EML1: variants seen among roughly 807,000 people sequenced by gnomAD.
EML1 encodes EMAP like 1.
Under a neutral mutation model 110.4 loss-of-function variants are expected in EML1, and 27 were observed. The ratio of observed to expected loss-of-function variants is 0.24; its 90% CI spans 0.18 to 0.34. The LOEUF (loss-of-function observed/expected upper bound fraction) is 0.34. Among genes scored for constraint, EML1 ranks in the 10% least tolerant of loss-of-function variants. The probability of loss-of-function intolerance (pLI) is 1.00; values close to 1 mark genes in which losing one functional copy is unlikely to be tolerated. For missense variants in EML1, 741 were observed against 1,030.9 expected (o/e 0.72, Z 3.85); for synonymous variants, 344 against 385.8 (o/e 0.89, Z 1.27).
chr14:99,874,291 C>T (rs2059252889), intron 3 of EML1, among the ~76,000 whole-genome samples: 2 of 152,228 alleles, frequency 1.3e-5, no homozygotes, highest in East Asian at 1.9e-4. Flanking sequence ...TACAAGGTTG[C>T]AGGTTTGGGT....
intron 1 of EML1, among the ~76,000 whole-genome samples, chr14:99,834,377 A>G (rs978529300): frequency 2.6e-5 from 4 of 151,214 alleles, no homozygotes; most frequent in Non-Finnish European, 4.4e-5. Flanking sequence ...GTCTCGGCTC[A>G]CTGCAAGCTC....
intron 1 of EML1, among the ~76,000 whole-genome samples, chr14:99,836,454 C>T (rs2139789833): frequency 6.6e-6 from 1 of 152,264 alleles, no homozygotes; most frequent in East Asian, 1.9e-4. Context: ...ATATCATCTG[C>T]AAATAGACAG....
intron 4 of EML1, among the ~76,000 whole-genome samples, chr14:99,889,529 G>C (rs2059549897): frequency 6.6e-6 from 1 of 152,220 alleles, no homozygotes; most frequent in South Asian, 2.1e-4. Flanking sequence ...TAAAGCAGGA[G>C]GGGCGGGGGC....
intron 3 of EML1, among the ~76,000 whole-genome samples, chr14:99,868,509 A>T (rs2059140155): frequency 6.6e-6 from 1 of 151,900 alleles, no homozygotes; most frequent in Non-Finnish European, 1.5e-5. Flanking sequence ...AGGTCTGTTC[A>T]TATTTTTTGC....
chr14:99,853,646 C>T (rs1238975754), intron 2 of EML1, among the ~76,000 whole-genome samples: 1 of 152,168 alleles, frequency 6.6e-6, no homozygotes, highest in Non-Finnish European at 1.5e-5. Context: ...CTCATATAGA[C>T]TTGAAGTAGC....
intron 1 of EML1, among the ~76,000 whole-genome samples, chr14:99,808,905 A>G (rs1488569897): frequency 6.6e-6 from 1 of 152,256 alleles, no homozygotes; most frequent in Non-Finnish European, 1.5e-5. Context: ...TAAGGTAAGT[A>G]AAATACTACT....
rs765931165 is a variant in EML1 at position 99,897,241 on chromosome 14, C to A, written c.774C>A (p.Asn258Lys). Residue 258 changes from asparagine to lysine, a missense_variant, in exon 7 of 22, where the codon AAC (asparagine) becomes AAA (lysine). By Grantham distance (94) the Asn-to-Lys change is moderately conservative. Around this residue, in one of 4 missense-constraint regions of EML1, gnomAD observed 388 missense variants for 605.6 expected, o/e 0.64. Transcript: ENST00000262233. ...TCGCATCCGTGGTGGTGTTATACAA[C>A]GTGGAGGAGCAACTGCAGAGGCATT... The part of the protein sequence containing the change: ...YFIASVVVLY[N>K]VEEQLQRHYA... 6.2e-7 allele frequency: 1 copy of A among 1,612,854 alleles called. No homozygotes were observed. The highest frequency in any genetic ancestry group is 1.1e-5 in the South Asian group (1 of 90,856).
chr14:99,786,450 A>G (rs2057601195), intron 1 of EML1, among the ~76,000 whole-genome samples: 1 of 152,222 alleles, frequency 6.6e-6, no homozygotes, highest in Non-Finnish European at 1.5e-5. Context: ...CATGATGGGC[A>G]TTAGGGGTAT....
At chr14:99,871,540 A>G (rs960771508) in intron 3 of EML1, among the ~76,000 whole-genome samples, 5 of 151,960 alleles carry the variant, frequency 3.3e-5, no homozygotes, top group Non-Finnish European at 5.9e-5. Context: ...AAGAACATTT[A>G]TGATTCATGG....
At chr14:99,788,339 T>C (rs916833669) in intron 1 of EML1, among the ~76,000 whole-genome samples, 1 of 152,234 alleles carries the variant, frequency 6.6e-6, no homozygotes, top group African/African-American at 2.4e-5. Context: ...ACTCAGCACA[T>C]GTAGGTACAT....
At chr14:99,775,826 T>C (rs2057476150) in intron 1 of EML1, among the ~76,000 whole-genome samples, 1 of 152,190 alleles carries the variant, frequency 6.6e-6, no homozygotes, top group African/African-American at 2.4e-5. Flanking sequence ...AATGGCAGTA[T>C]TGGGATAGCA....
At chr14:99,919,545 A>G (rs976243968) in intron 16 of EML1, among the ~76,000 whole-genome samples, 4 of 152,010 alleles carry the variant, frequency 2.6e-5, no homozygotes, top group Non-Finnish European at 4.4e-5. Flanking sequence ...TGGCCTCCCA[A>G]TAGGCTGACG....
Position 99,865,978 on chromosome 14 carries a change from G to A in EML1, c.383+332G>A, listed in dbSNP as rs575310891. On this transcript the variant is annotated intron_variant, in intron 3 of 21. Transcript: ENST00000262233. Reference sequence around the variant, plus strand: ...GTTCCCAAGTCCATACTGGGAACATGGCAAAATTCAGATTGCCATAGCAAC... The same window carrying A: ...GTTCCCAAGTCCATACTGGGAACATAGCAAAATTCAGATTGCCATAGCAAC... 2.3e-4 allele frequency among the ~76,000 whole-genome samples: 35 copies of A among 152,300 alleles called. No homozygotes were observed. The South Asian group carries it at 6.8e-3, about 30-fold the overall frequency.
chr14:99,940,316 T>C lies in EML1; in HGVS notation c.*204T>C, dbSNP rs541611325. 8.5e-5 allele frequency: 47 copies of C among 554,132 alleles called. No individual in the cohort carries two copies. The highest frequency in any genetic ancestry group is 8.3e-4 in the African/African-American group (43 of 51,744). 34.3% of individuals were successfully genotyped at this position (554,132 alleles called of 1,614,324 possible). On this transcript the variant is annotated 3_prime_UTR_variant, in exon 22 of 22. Transcript: ENST00000262233. Reference sequence around the variant, plus strand: ...GTGTTCACTTTTGTTGTACAATATATGACACAGTGCACATTGAATACCAAC... The same window carrying C: ...GTGTTCACTTTTGTTGTACAATATACGACACAGTGCACATTGAATACCAAC...
At chr14:99,854,695 A>G (rs191946733) in intron 2 of EML1, among the ~76,000 whole-genome samples, 2 of 152,352 alleles carry the variant, frequency 1.3e-5, no homozygotes, top group African/African-American at 2.4e-5. Flanking sequence ...ACCTCAGCCC[A>G]TAAAGCTGGC....
At chr14:99,914,457 T>G in intron 14 of EML1, 109 bp from the exon 15 acceptor site, 1 of 1,530,036 alleles carries the variant, frequency 6.5e-7, no homozygotes, top group African/African-American at 1.4e-5. Flanking sequence ...GAGAAACTGT[T>G]GAGAGCAGTT....
intron 1 of EML1, among the ~76,000 whole-genome samples, chr14:99,844,406 G>A (rs1320662884): frequency 6.6e-6 from 1 of 151,834 alleles, no homozygotes; most frequent in African/African-American, 2.4e-5. Context: ...CTGAATCTGG[G>A]AGGTGGAGGT....
intron 9 of EML1, among the ~76,000 whole-genome samples, chr14:99,904,853 G>A (rs2059818061): frequency 6.6e-6 from 1 of 152,132 alleles, no homozygotes; most frequent in Non-Finnish European, 1.5e-5. Context: ...GGCTTATAGG[G>A]TCCTAGGCCC....
At chr14:99,755,598 C>T (rs1006927) in intron 1 of EML1, among the ~76,000 whole-genome samples, 47,744 of 152,006 alleles carry the variant, frequency 0.31, 9,355 homozygotes, top group East Asian at 0.56. Flanking sequence ...GTTCCTGTCC[C>T]GGCTGTGGAC....
Sources: gnomAD v4.1 joint callset for allele counts (sites outside exome capture counted in the v4.1 genomes callset) on GRCh38, gnomAD v4.1.1 for gene constraint, gnomAD v4.1.1 regional missense constraint, MANE v1.5 for transcripts, NCBI Gene and HGNC (gene_info 2026-07-23, HGNC 2026-07-21) for gene names.